Variants in SLC1A2 observed in about 807,000 individuals in gnomAD.
The protein encoded by SLC1A2 is excitatory amino acid transporter 2.
Under a neutral mutation model 48.8 loss-of-function variants are expected in SLC1A2, and 15 were observed. That is an observed-to-expected ratio of 0.31 (90% CI 0.21 to 0.47). SLC1A2 has a LOEUF of 0.47. Among genes scored for constraint, SLC1A2 ranks in the 20% least tolerant of loss-of-function variants. The probability of loss-of-function intolerance (pLI) is 0.99; values close to 1 mark genes in which losing one functional copy is unlikely to be tolerated. For synonymous variants in SLC1A2, 279 were observed against 272.6 expected (o/e 1.02, Z -0.23); for missense variants, 502 against 730.5 (o/e 0.69, Z 3.61).
intron 1 of SLC1A2, among the ~76,000 whole-genome samples, chr11:35,403,032 G>T (rs1353462380): frequency 6.6e-6 from 1 of 152,160 alleles, no homozygotes; most frequent in Non-Finnish European, 1.5e-5. Context: ...GAGACTGATG[G>T]ATAACCCCAT....
At position 35,306,066 on chromosome 11, in the gene SLC1A2, T is replaced by C. The variant is rs1851494777; in HGVS notation, c.730+8A>G. On this transcript the variant is annotated splice_region_variant and intron_variant, in intron 5 of 10. Transcript: ENST00000278379. ...GGAAGCAGAATCCCGGACCACCAGC[T>C]GGCCTACCTAAGACGTTCATCCCAT... 1 of 1,612,670 alleles carries C rather than the reference T, an allele frequency of 6.2e-7. No homozygotes were observed. Among genetic ancestry groups the C allele is most frequent in the African/African-American group, 1.3e-5 (1 of 74,902 alleles).
chr11:35,406,689 CAGAT>C (rs1376136682), intron 1 of SLC1A2, among the ~76,000 whole-genome samples: 5 of 151,902 alleles, frequency 3.3e-5, no homozygotes, highest in East Asian at 1.9e-4. Flanking sequence ...AATCTCTAAA[CAGAT>C]AGAATTTACT....
chr11:35,315,134 C>T lies in SLC1A2; in HGVS notation c.199G>A (p.Ala67Thr), dbSNP rs1181754431. ...ACCACATCAGGGTGGATGGGAGATG[C>T]CAAGCGAAGAAGCCCTCCACACACT... ...GAVCGGLLRL[A>T]SPIHPDVVML... is the part of the protein sequence containing the mutation. Residue 67 changes from alanine to threonine, a missense_variant, in exon 3 of 11, where the codon GCA becomes ACA. By Grantham distance (58) the Ala-to-Thr change is moderately conservative. This residue lies in a region of SLC1A2 where 89 missense variants were observed against 119.7 expected (regional missense o/e 0.74). Coordinates refer to ENST00000278379, the MANE Select transcript of SLC1A2 (RefSeq NM_004171.4). 6.2e-7 allele frequency: 1 copy of T among 1,613,114 alleles called. No homozygotes were observed. Among genetic ancestry groups the T allele is most frequent in the Admixed American group, 1.7e-5 (1 of 60,018 alleles).
chr11:35,302,782 G>A, intron 5 of SLC1A2, among the ~76,000 whole-genome samples: 1 of 151,430 alleles, frequency 6.6e-6, no homozygotes, highest in East Asian at 1.9e-4. Flanking sequence ...AGGGACTGGG[G>A]CACATTGTGC....
intron 1 of SLC1A2, among the ~76,000 whole-genome samples, chr11:35,370,690 A>G (rs1178771130): frequency 1.3e-5 from 2 of 152,020 alleles, no homozygotes; most frequent in Admixed American, 6.6e-5. Context: ...AGTGCGGGGA[A>G]TGAGAGCAGG....
At position 35,418,980 on chromosome 11, in the gene SLC1A2, C is replaced by A; in HGVS notation, c.-14G>T. On this transcript the variant is annotated 5_prime_UTR_variant, in exon 1 of 11. Transcript: ENST00000278379. ...CGTAGATGCCATGGTCTGGGGAACG[C>A]CCCCTCCTCTTCAGCACTATCCGGC... 1 of 1,564,940 alleles carries A rather than the reference C, an allele frequency of 6.4e-7. No individual in the cohort carries two copies. The highest frequency in any genetic ancestry group is 8.7e-7 in the Non-Finnish European group (1 of 1,153,084).
At chr11:35,281,325 T>C (rs563829749) in intron 8 of SLC1A2, among the ~76,000 whole-genome samples, 101 of 152,224 alleles carry the variant, frequency 6.6e-4, no homozygotes, top group Non-Finnish European at 1.3e-3. Flanking sequence ...CAAGGAAATA[T>C]TAAAGATAAA....
rs1950365702 is a variant in SLC1A2, at chr11:35,259,670, T to C, written c.*1224A>G. 1 of 152,270 alleles carries C rather than the reference T, an allele frequency of 6.6e-6. No homozygotes were observed. Among genetic ancestry groups the C allele is most frequent in the Admixed American group, 6.5e-5 (1 of 15,286 alleles). 9.4% of individuals were successfully genotyped at this position (152,270 alleles called of 1,614,324 possible). A position where few individuals can be genotyped will look rare whatever the true frequency, so the allele number is the denominator to read the frequency against. On this transcript the variant is annotated 3_prime_UTR_variant, in exon 11 of 11. Coordinates refer to ENST00000278379, the MANE Select transcript of SLC1A2 (RefSeq NM_004171.4). ...GGACTCTGCCATAGGAATATCACTT[T>C]TATAGGGTTTTGCACAGATGTTTGT...
chr11:35,369,758 T>C (rs938072057), intron 1 of SLC1A2, among the ~76,000 whole-genome samples: 1 of 152,222 alleles, frequency 6.6e-6, no homozygotes, highest in East Asian at 1.9e-4. Context: ...CTCTAAGAAC[T>C]GATCATCATC....
At position 35,259,897 on chromosome 11, in the gene SLC1A2, G is replaced by A. The variant is rs1950368436; in HGVS notation, c.*997C>T. On this transcript the variant is annotated 3_prime_UTR_variant, in exon 11 of 11. Transcript: ENST00000278379. Reference sequence around the variant, plus strand: ...CAAGTGTCTTCCATGTGTGAGGACAGTAAAATGACCAGGCTTTCTAGGACG... The same window carrying A: ...CAAGTGTCTTCCATGTGTGAGGACAATAAAATGACCAGGCTTTCTAGGACG... 1.3e-5 allele frequency: 2 copies of A among 152,220 alleles called. No individual in the cohort carries two copies. Among genetic ancestry groups the A allele is most frequent in the East Asian group, 1.9e-4 (1 of 5,202 alleles). 9.4% of individuals were successfully genotyped at this position (152,220 alleles called of 1,614,324 possible). A position where few individuals can be genotyped will look rare whatever the true frequency, so the allele number is the denominator to read the frequency against.
At chr11:35,359,797 C>G (rs538966037) in intron 1 of SLC1A2, among the ~76,000 whole-genome samples, 3 of 152,342 alleles carry the variant, frequency 2.0e-5, no homozygotes, top group South Asian at 4.1e-4. Context: ...TTTCCCAACT[C>G]TTACTCCTTT....
intron 1 of SLC1A2, among the ~76,000 whole-genome samples, chr11:35,386,140 T>A (rs1452756234): frequency 6.6e-6 from 1 of 152,092 alleles, no homozygotes; most frequent in East Asian, 1.9e-4. Context: ...CACTCCAGCC[T>A]GGGCGACAGA....
At position 35,260,840 on chromosome 11, in the gene SLC1A2, T is replaced by C; in HGVS notation, c.*54A>G. The C allele has an allele frequency of 8.3e-7, 1 of 1,211,948 alleles. No homozygotes were observed. The highest frequency in any genetic ancestry group is 1.2e-6 in the Non-Finnish European group (1 of 815,008). 75.1% of individuals were successfully genotyped at this position (1,211,948 alleles called of 1,614,324 possible). Reference sequence around the variant, plus strand: ...AAAGAAAGCTTGTTTATATCATCAGTTACCATAGGATACGCTGGGGAGTTT... The same window carrying C: ...AAAGAAAGCTTGTTTATATCATCAGCTACCATAGGATACGCTGGGGAGTTT... On this transcript the variant is annotated 3_prime_UTR_variant, in exon 11 of 11. Transcript: ENST00000278379.
At chr11:35,366,780 G>T (rs1433914556) in intron 1 of SLC1A2, among the ~76,000 whole-genome samples, 1 of 152,182 alleles carries the variant, frequency 6.6e-6, no homozygotes, top group Non-Finnish European at 1.5e-5. Context: ...AGTTCCCCAT[G>T]GTTCTGCTAT....
At chr11:35,299,065 T>C (rs1385969477) in intron 6 of SLC1A2, 2 of 152,230 alleles carry the variant, frequency 1.3e-5, no homozygotes, top group Non-Finnish European at 2.9e-5. Flanking sequence ...TACATTTGGA[T>C]GCGGTGGCTC....
intron 8 of SLC1A2, among the ~76,000 whole-genome samples, chr11:35,285,056 A>G (rs1850767454): frequency 6.6e-6 from 1 of 152,242 alleles, no homozygotes; most frequent in African/African-American, 2.4e-5. Context: ...CGGGGTTTGA[A>G]GTGGGAGAAA....
chr11:35,331,268 C>G (rs1407142397), intron 1 of SLC1A2, among the ~76,000 whole-genome samples: 1 of 152,222 alleles, frequency 6.6e-6, no homozygotes, highest in Non-Finnish European at 1.5e-5. Context: ...AAAGGCTCAG[C>G]AACACCATGC....
chr11:35,279,454 A>G (rs1850550025), intron 9 of SLC1A2, among the ~76,000 whole-genome samples: 1 of 152,194 alleles, frequency 6.6e-6, no homozygotes. Context: ...CGTCTTGCTC[A>G]CCTTTCACCA....
chr11:35,340,885 C>T (rs563412049), intron 1 of SLC1A2, among the ~76,000 whole-genome samples: 1 of 152,158 alleles, frequency 6.6e-6, no homozygotes, highest in East Asian at 1.9e-4. Context: ...CAGTGTGCCC[C>T]CTGGGATTAT....
Sources: allele counts gnomAD v4.1 joint callset (sites outside exome capture counted in the v4.1 genomes callset), GRCh38; gene constraint gnomAD v4.1.1; regional missense constraint gnomAD v4.1.1; transcripts MANE v1.5; gene names NCBI Gene and HGNC (gene_info 2026-07-23, HGNC 2026-07-21).